The following SSBP1 variants were observed in gnomAD, a reference collection of about 807,000 sequenced individuals.
SSBP1 encodes the protein single stranded DNA binding protein 1, also known as single-stranded DNA-binding protein, mitochondrial.
In SSBP1, 20 loss-of-function variants were observed where a neutral mutation model predicts 27.0. The ratio of observed to expected loss-of-function variants is 0.74; its 90% confidence interval spans 0.52 to 1.08. SSBP1 has a LOEUF of 1.08. Ranked by LOEUF, SSBP1 falls within the 50% of genes least tolerant of loss-of-function variation. The probability of loss-of-function intolerance (pLI) is 0.00; values close to 1 mark genes in which losing one functional copy is unlikely to be tolerated. For synonymous variants in SSBP1, 59 were observed against 59.3 expected (o/e 1.00, Z 0.02); for missense variants, 137 against 182.4 (o/e 0.75, Z 1.44).
At chr7:141,744,399 G>A (rs144428078) in intron 5 of SSBP1, among the ~76,000 whole-genome samples, 6 of 152,306 alleles carry the variant, frequency 3.9e-5, no homozygotes, top group African/African-American at 1.2e-4. Context: ...TCCAGCAGAG[G>A]ATCTGGAATG....
chr7:141,743,818 G>A, intron 4 of SSBP1, 84 bp from the exon 5 acceptor site: 1 of 1,546,150 alleles, frequency 6.5e-7, no homozygotes, highest in Non-Finnish European at 8.8e-7. Context: ...CATTCTGTTT[G>A]TTCTCTTAGA....
intron 6 of SSBP1, among the ~76,000 whole-genome samples, chr7:141,749,468 G>A (rs1348973302): frequency 1.3e-5 from 2 of 152,188 alleles, no homozygotes; most frequent in African/African-American, 4.8e-5. Context: ...TTCATAAAAT[G>A]TTCCCAAGAA....
chr7:141,747,664 A>G (rs1468976833), intron 6 of SSBP1, among the ~76,000 whole-genome samples: 1 of 151,684 alleles, frequency 6.6e-6, no homozygotes, highest in East Asian at 2.0e-4. Context: ...CTGGGATTAC[A>G]GGCGTGAGCC....
At chr7:141,747,751 G>C (rs62486741) in intron 6 of SSBP1, among the ~76,000 whole-genome samples, 68,413 of 150,482 alleles carry the variant, frequency 0.45, 16,218 homozygotes, top group East Asian at 0.75. Flanking sequence ...GTAATCCCAG[G>C]CCTTTGGGAG....
At chr7:141,740,180 T>C (rs938313530) in intron 2 of SSBP1, 1 of 152,228 alleles carries the variant, frequency 6.6e-6, no homozygotes, top group Non-Finnish European at 1.5e-5. Flanking sequence ...TTTGATTCTA[T>C]AGTATGTTGT....
chr7:141,742,144 AT>A, intron 2 of SSBP1, 24 bp from the exon 3 acceptor site: 20 of 1,560,144 alleles, frequency 1.3e-5, no homozygotes, highest in Non-Finnish European at 1.8e-5. Context: ...AATTAAAGCC[AT>A]GTTATTCATT....
intron 3 of SSBP1, 128 bp from the exon 4 acceptor site, chr7:141,743,433 T>G (rs1266275732): frequency 2.5e-5 from 28 of 1,111,198 alleles, no homozygotes; most frequent in Non-Finnish European, 2.6e-6. Flanking sequence ...TAATTACCTT[T>G]TAAGGATCCC....
At chr7:141,745,769 A>T (rs1799759431) in intron 6 of SSBP1, 185 bp downstream of exon 6, 5 of 1,334,330 alleles carry the variant, frequency 3.7e-6, no homozygotes, top group Non-Finnish European at 4.8e-6. Context: ...CCCTTCCTTT[A>T]AAAAATTATT....
At chr7:141,742,579 A>T (rs962572084) in intron 3 of SSBP1, among the ~76,000 whole-genome samples, 1 of 152,178 alleles carries the variant, frequency 6.6e-6, no homozygotes, top group Admixed American at 6.5e-5. Flanking sequence ...GTTTATAAAG[A>T]TTTTCAGATC....
intron 6 of SSBP1, among the ~76,000 whole-genome samples, chr7:141,749,538 T>C (rs959120190): frequency 5.9e-5 from 9 of 152,214 alleles, no homozygotes; most frequent in Non-Finnish European, 1.2e-4. Flanking sequence ...TCCCAGCACT[T>C]TGGGAGGCCA....
chr7:141,743,522 T>C (rs762846586), intron 3 of SSBP1, 39 bp from the exon 4 acceptor site: 11 of 1,610,872 alleles, frequency 6.8e-6, no homozygotes, highest in Non-Finnish European at 9.3e-6. Flanking sequence ...ATTCAGTCTA[T>C]AGCAGGTTGT....
intron 6 of SSBP1, chr7:141,746,251 CCTCAGGTGAT>C (rs1563029543): frequency 6.6e-6 from 1 of 152,472 alleles, no homozygotes; most frequent in East Asian, 1.9e-4. Flanking sequence ...GAACTCCTGA[CCTCAGGTGAT>C]CCATCCACCT....
intron 3 of SSBP1, 66 bp downstream of exon 3, chr7:141,742,295 A>G (rs1211508501): frequency 3.0e-5 from 38 of 1,254,278 alleles, no homozygotes; most frequent in Non-Finnish European, 4.2e-5. Flanking sequence ...AATGTGTTGT[A>G]GAAGAGGTAT....
chr7:141,744,525 T>C (rs1174949330), intron 5 of SSBP1, among the ~76,000 whole-genome samples: 2 of 152,362 alleles, frequency 1.3e-5, no homozygotes, highest in African/African-American at 2.4e-5. Context: ...ATAAAAAGTA[T>C]GTTTTCCAAA....
At chr7:141,749,624 A>G (rs1282211720) in intron 6 of SSBP1, among the ~76,000 whole-genome samples, 2 of 152,130 alleles carry the variant, frequency 1.3e-5, no homozygotes, top group Non-Finnish European at 2.9e-5. Flanking sequence ...TCTATTAAAA[A>G]TACAAAAGTT....
At chr7:141,742,284 A>C (rs1156938884) in intron 3 of SSBP1, 55 bp downstream of exon 3, 23 of 1,381,816 alleles carry the variant, frequency 1.7e-5, no homozygotes, top group Non-Finnish European at 2.4e-5. Context: ...TGCCAATCTC[A>C]AATGTGTTGT....
intron 6 of SSBP1, among the ~76,000 whole-genome samples, chr7:141,750,051 AGACTG>A (rs2117199258): frequency 6.6e-6 from 1 of 152,330 alleles, no homozygotes; most frequent in African/African-American, 2.4e-5. Context: ...GTTTCTGAGA[AGACTG>A]GAAGACAAGA....
chr7:141,743,527 G>C, intron 3 of SSBP1, 34 bp from the exon 4 acceptor site: 1 of 1,611,648 alleles, frequency 6.2e-7, no homozygotes, highest in Non-Finnish European at 8.5e-7. Context: ...GTCTATAGCA[G>C]GTTGTCTCAT....
At chr7:141,739,748 C>T (rs1455883541) in intron 2 of SSBP1, 1 of 152,234 alleles carries the variant, frequency 6.6e-6, no homozygotes, top group Admixed American at 6.5e-5. Flanking sequence ...CATTCGGGCA[C>T]CAGCTCCTGT....
Sources: gnomAD v4.1 joint callset for allele counts (sites outside exome capture counted in the v4.1 genomes callset) on GRCh38, gnomAD v4.1.1 for gene constraint, MANE v1.5 for transcripts, NCBI Gene and HGNC (gene_info 2026-07-23, HGNC 2026-07-21) for gene names.